The following ADAMTS16 variants were observed in gnomAD, a reference collection of about 807,000 sequenced individuals.
The protein encoded by ADAMTS16 is ADAM metallopeptidase with thrombospondin type 1 motif 16, also known as A disintegrin and metalloproteinase with thrombospondin motifs 16.
Under a neutral mutation model 145.8 loss-of-function variants are expected in ADAMTS16, and 94 were observed. The observed-to-expected ratio is 0.64, with a 90% confidence interval of 0.55 to 0.77. The LOEUF is 0.77. Among genes scored for constraint, ADAMTS16 ranks in the 30% least tolerant of loss-of-function variants. ADAMTS16 has a pLI of 0.00. For synonymous variants in ADAMTS16, 659 were observed against 604.3 expected, an observed-to-expected ratio of 1.09 and a Z score of -1.33; for missense variants, 1,585 against 1,591.5, an observed-to-expected ratio of 1.00 and a Z score of 0.07.
intron 18 of ADAMTS16, among the ~76,000 whole-genome samples, chr5:5,283,686 G>T (rs1245433232): frequency 1.3e-5 from 2 of 152,188 alleles, no homozygotes; most frequent in Non-Finnish European, 2.9e-5. Flanking sequence ...TTATGTACAT[G>T]ACACTGTGTT....
At chr5:5,152,652 T>C (rs564494306) in intron 3 of ADAMTS16, among the ~76,000 whole-genome samples, 221 of 152,326 alleles carry the variant, frequency 1.5e-3, no homozygotes, top group Admixed American at 2.1e-3. Flanking sequence ...GAACCTCTGT[T>C]GCATTTAGCT....
At chr5:5,207,727 CATGAAT>C (rs1736167222) in intron 9 of ADAMTS16, among the ~76,000 whole-genome samples, 4 of 145,202 alleles carry the variant, frequency 2.8e-5, no homozygotes, top group Admixed American at 2.7e-4. Context: ...TTTTTTTTAT[CATGAAT>C]GAGTGTTAAA....
chr5:5,306,136 G>A (rs1359567584), intron 20 of ADAMTS16, among the ~76,000 whole-genome samples: 1 of 152,170 alleles, frequency 6.6e-6, no homozygotes, highest in Admixed American at 6.5e-5. Flanking sequence ...CATTTGCGTG[G>A]GTTAATCCAT....
intron 17 of ADAMTS16, among the ~76,000 whole-genome samples, chr5:5,251,942 C>T (rs185150658): frequency 0.01 from 1,581 of 152,234 alleles, 15 homozygotes; most frequent in Non-Finnish European, 0.017. Context: ...CTGCAACCTC[C>T]CGGGTTCCCG....
chr5:5,227,041 C>T (rs566275027), intron 11 of ADAMTS16, among the ~76,000 whole-genome samples: 1 of 152,378 alleles, frequency 6.6e-6, no homozygotes, highest in Non-Finnish European at 1.5e-5. Context: ...GTGCTAGGCA[C>T]TTGGCCTAGT....
intron 3 of ADAMTS16, among the ~76,000 whole-genome samples, chr5:5,157,818 C>A (rs1293225524): frequency 6.6e-6 from 1 of 152,146 alleles, no homozygotes; most frequent in Non-Finnish European, 1.5e-5. Context: ...AGAACTTTTT[C>A]AAAGAATGTT....
intron 13 of ADAMTS16, among the ~76,000 whole-genome samples, chr5:5,235,761 A>G (rs1737089208): frequency 6.6e-6 from 1 of 152,212 alleles, no homozygotes; most frequent in South Asian, 2.1e-4. Context: ...CTCAAGTGGC[A>G]TAATTAAGGA....
intron 18 of ADAMTS16, among the ~76,000 whole-genome samples, chr5:5,282,851 T>C (rs1347637063): frequency 1.3e-5 from 2 of 152,138 alleles, no homozygotes; most frequent in Non-Finnish European, 2.9e-5. Context: ...AGTCACTGTT[T>C]TTTTCAAGAA....
At chr5:5,278,652 T>A (rs1258092907) in intron 18 of ADAMTS16, among the ~76,000 whole-genome samples, 1 of 152,240 alleles carries the variant, frequency 6.6e-6, no homozygotes, top group Non-Finnish European at 1.5e-5. Flanking sequence ...CTACTATGTG[T>A]CAGGCCCTTG....
intron 21 of ADAMTS16, among the ~76,000 whole-genome samples, chr5:5,313,844 G>A (rs1015887458): frequency 3.3e-5 from 5 of 152,232 alleles, no homozygotes; most frequent in Admixed American, 6.5e-5. Context: ...TGAACGCTGC[G>A]CAGTCCATCC....
intron 17 of ADAMTS16, among the ~76,000 whole-genome samples, chr5:5,252,644 T>C (rs543111379): frequency 7.4e-4 from 112 of 152,334 alleles, no homozygotes; most frequent in African/African-American, 2.6e-3. Context: ...CAAACCCTAC[T>C]GATCTTTATA....
intron 9 of ADAMTS16, among the ~76,000 whole-genome samples, chr5:5,201,774 G>A (rs1050501900): frequency 6.6e-6 from 1 of 152,118 alleles, no homozygotes; most frequent in African/African-American, 2.4e-5. Context: ...TGTCTTTGCA[G>A]TCAAAACTAG....
At chr5:5,251,449 G>T (rs939631658) in intron 17 of ADAMTS16, among the ~76,000 whole-genome samples, 1 of 152,206 alleles carries the variant, frequency 6.6e-6, no homozygotes, top group Admixed American at 6.5e-5. Context: ...ATACTCCAAA[G>T]AAAGTTCCTT....
chr5:5,190,902 G>T (rs1395382625), intron 7 of ADAMTS16, among the ~76,000 whole-genome samples: 1 of 151,992 alleles, frequency 6.6e-6, no homozygotes, highest in Non-Finnish European at 1.5e-5. Context: ...GTGGCTCATT[G>T]TGCCTAAATT....
intron 3 of ADAMTS16, among the ~76,000 whole-genome samples, chr5:5,174,892 G>A (rs1735146532): frequency 6.6e-6 from 1 of 152,146 alleles, no homozygotes; most frequent in Admixed American, 6.5e-5. Flanking sequence ...GTCAATGTGT[G>A]GTGAATGCTG....
intron 16 of ADAMTS16, 72 bp downstream of exon 16, chr5:5,239,997 G>A: frequency 1.3e-6 from 2 of 1,562,672 alleles, no homozygotes; most frequent in Non-Finnish European, 1.7e-6. Context: ...GTTAATGGCT[G>A]TTGGCATAAT....
intron 8 of ADAMTS16, among the ~76,000 whole-genome samples, chr5:5,197,489 G>A (rs953760365): frequency 2.0e-5 from 3 of 152,180 alleles, no homozygotes; most frequent in Non-Finnish European, 4.4e-5. Context: ...GTGGGGCTGT[G>A]AGCATGGATA....
chr5:5,170,532 T>C (rs1464640071), intron 3 of ADAMTS16, among the ~76,000 whole-genome samples: 1 of 151,542 alleles, frequency 6.6e-6, no homozygotes, highest in Non-Finnish European at 1.5e-5. Context: ...GCATGCGCCA[T>C]CATACCCGGC....
At chr5:5,220,699 C>A (rs1736577134) in intron 10 of ADAMTS16, among the ~76,000 whole-genome samples, 1 of 152,116 alleles carries the variant, frequency 6.6e-6, no homozygotes, top group Non-Finnish European at 1.5e-5. Flanking sequence ...CCTATAACCA[C>A]TGCATTTAGT....
Sources: allele counts gnomAD v4.1 joint callset (sites outside exome capture counted in the v4.1 genomes callset), GRCh38; gene constraint gnomAD v4.1.1; transcripts MANE v1.5; gene names NCBI Gene and HGNC (gene_info 2026-07-23, HGNC 2026-07-21).